Variants in NADSYN1 observed in about 807,000 individuals in gnomAD.
The protein encoded by NADSYN1 is glutamine-dependent NAD(+) synthetase.
In NADSYN1, 80 loss-of-function variants were observed where a neutral mutation model predicts 99.3. That is an observed-to-expected ratio of 0.81 (90% CI 0.67 to 0.97). The LOEUF (loss-of-function observed/expected upper bound fraction) is 0.97. Among genes scored for constraint, NADSYN1 ranks in the 50% least tolerant of loss-of-function variants. The probability of loss-of-function intolerance (pLI) is 0.00; values close to 1 mark genes in which losing one functional copy is unlikely to be tolerated. For missense variants in NADSYN1, 859 were observed against 948.5 expected, an observed-to-expected ratio of 0.91 and a Z score of 1.24; for synonymous variants, 385 against 372.1, an observed-to-expected ratio of 1.03 and a Z score of -0.40.
At chr11:71,483,816 A>G (rs910641598) in intron 14 of NADSYN1, among the ~76,000 whole-genome samples, 2 of 152,242 alleles carry the variant, frequency 1.3e-5, no homozygotes, top group African/African-American at 4.8e-5. Context: ...GAACGGAGGA[A>G]GAAACTGTGG....
chr11:71,492,154 G>T (rs531446277), intron 18 of NADSYN1, among the ~76,000 whole-genome samples: 2 of 152,324 alleles, frequency 1.3e-5, no homozygotes, highest in Admixed American at 6.5e-5. Context: ...ATGGCGGGCG[G>T]AGGAACGCAA....
chr11:71,494,121 C>T (rs1949803431), intron 18 of NADSYN1, among the ~76,000 whole-genome samples: 1 of 152,212 alleles, frequency 6.6e-6, no homozygotes, highest in South Asian at 2.1e-4. Context: ...GGAAAGCCCA[C>T]AGTAGCACAG....
intron 5 of NADSYN1, among the ~76,000 whole-genome samples, chr11:71,469,666 G>A (rs1949614374): frequency 2.6e-5 from 4 of 152,324 alleles, no homozygotes; most frequent in Non-Finnish European, 4.4e-5. Context: ...CGCCTTAAGT[G>A]GTTTTCCGCC....
At chr11:71,490,458 C>A (rs1174739388) in intron 16 of NADSYN1, among the ~76,000 whole-genome samples, 1 of 152,198 alleles carries the variant, frequency 6.6e-6, no homozygotes, top group African/African-American at 2.4e-5. Flanking sequence ...CTTCTGCCGA[C>A]CACAGGCCTC....
rs1258999568 is a variant in NADSYN1 at position 71,501,306 on chromosome 11, T to C, written c.2075T>C (p.Leu692Pro). The C allele has an allele frequency of 1.3e-6, 2 of 1,592,628 alleles. No individual in the cohort carries two copies. Among genetic ancestry groups the C allele is most frequent in the Middle Eastern group, 1.7e-4 (1 of 5,968 alleles). Residue 692 changes from leucine (L) to proline (P), a missense_variant, in exon 21 of 21, where the codon CTA becomes CCA. Physicochemically the swap from Leu to Pro is moderately conservative, Grantham distance 98 (BLOSUM62 -3). Transcript: ENST00000319023. The stretch of plus-strand genomic sequence containing the variant: ...GTCACAGGCCTCTCTTTCCAGGTGC[T>C]ACAGCTCGAGAGGGCAGAGCCACAG... ...WQFRCIENQV[L>P]QLERAEPQSL...
chr11:71,484,654 G>A (rs919023365), intron 15 of NADSYN1: 19 of 660,314 alleles, frequency 2.9e-5, no homozygotes, highest in Non-Finnish European at 4.2e-5. Context: ...CAAGGAGGGG[G>A]TCTGTGTGTG....
At position 71,486,796 on chromosome 11, in the gene NADSYN1, C is replaced by CTTTTTT. The variant is rs57662255; in HGVS notation, c.1562+1170_1562+1175dup. Reference sequence around the variant, plus strand: ...TCCCTTTTTTCTATGGCGTGAGTGTCTTTTTTTTTTTTTTTTTTTTTTTTT... The same window carrying CTTTTTT: ...TCCCTTTTTTCTATGGCGTGAGTGTCTTTTTTTTTTTTTTTTTTTTTTTTTTTTTTT... On this transcript the variant is annotated intron_variant, in intron 16 of 20. Coordinates refer to ENST00000319023, the MANE Select transcript of NADSYN1 (RefSeq NM_018161.5). 3.3e-5 allele frequency among the ~76,000 whole-genome samples: 2 copies of CTTTTTT among 60,996 alleles called. 1 individual carries two copies. Among genetic ancestry groups the CTTTTTT allele is most frequent in the African/African-American group, 1.5e-4 (2 of 13,290 alleles). The allele number at this position is 60,996 out of a possible 152,430, so 40.0% of individuals were successfully genotyped here. A position where few individuals can be genotyped will look rare whatever the true frequency, so the allele number is the denominator to read the frequency against.
At chr11:71,500,513 G>A (rs1949850294) in intron 20 of NADSYN1, among the ~76,000 whole-genome samples, 1 of 152,170 alleles carries the variant, frequency 6.6e-6, no homozygotes, top group Admixed American at 6.5e-5. Flanking sequence ...GTGCAGGATG[G>A]GCCCCTCCCA....
chr11:71,462,152 G>C (rs553608864), intron 3 of NADSYN1, among the ~76,000 whole-genome samples: 2 of 152,192 alleles, frequency 1.3e-5, no homozygotes, highest in Admixed American at 1.3e-4. Context: ...GACTGGGAGT[G>C]GGGGGTGATC....
rs186925420 is a variant in NADSYN1, at chr11:71,482,231, G to A, written c.1150+206G>A. ...GCCATCAGTAGCTTCCTGGGGCTTC[G>A]GGCCCATGTGGCTGAGTCTCCAGAG... On this transcript the variant is annotated intron_variant, in intron 13 of 20. Transcript: ENST00000319023. Among the ~76,000 whole-genome samples the A allele has an allele frequency of 7.8e-4, 119 of 152,320 alleles. 1 individual carries two copies. Among genetic ancestry groups the A allele is most frequent in the South Asian group, 1.0e-3 (5 of 4,828 alleles).
At chr11:71,474,692 C>A in intron 9 of NADSYN1, 166 bp downstream of exon 9, 1 of 834,982 alleles carries the variant, frequency 1.2e-6, no homozygotes, top group South Asian at 1.5e-5. Flanking sequence ...TTAGTGAGGG[C>A]CCCTGTGGAG....
Position 71,482,885 on chromosome 11 carries a change from A to C in NADSYN1, c.1187A>C (p.Asn396Thr). 6.2e-7 allele frequency: 1 copy of C among 1,613,072 alleles called. No individual in the cohort carries two copies. The highest frequency in any genetic ancestry group is 8.5e-7 in the Non-Finnish European group (1 of 1,179,574). The change falls in exon 14 of 21, where the codon AAC becomes ACC. Residue 396 changes from asparagine (N) to threonine (T), a missense_variant. By Grantham distance (65) the Asn-to-Thr change is moderately conservative. Coordinates refer to ENST00000319023, the MANE Select transcript of NADSYN1 (RefSeq NM_018161.5). ...EVLADVRTIV[N>T]QISYTPQDPR... is the part of the protein sequence containing the mutation. ...CTGGCTGATGTCCGCACCATCGTGA[A>C]CCAGATCAGCTACACCCCCCAGGAT...
intron 15 of NADSYN1, 192 bp downstream of exon 15, chr11:71,484,639 G>C (rs1365532677): frequency 2.6e-6 from 2 of 754,786 alleles, no homozygotes; most frequent in East Asian, 5.6e-5. Context: ...ATGCAGCCTT[G>C]TTAACAAGGA....
At chr11:71,488,418 G>A (rs1390481310) in intron 16 of NADSYN1, among the ~76,000 whole-genome samples, 4 of 152,080 alleles carry the variant, frequency 2.6e-5, no homozygotes, top group Non-Finnish European at 4.4e-5. Flanking sequence ...AGAAGAGCCC[G>A]TGAAGCCCTG....
intron 16 of NADSYN1, among the ~76,000 whole-genome samples, chr11:71,488,792 G>T (rs1228562577): frequency 6.6e-6 from 1 of 152,158 alleles, no homozygotes; most frequent in Non-Finnish European, 1.5e-5. Flanking sequence ...GGGACTGTAG[G>T]CATGCACCAC....
chr11:71,472,844 G>T (rs112010554), intron 6 of NADSYN1, among the ~76,000 whole-genome samples: 3 of 152,346 alleles, frequency 2.0e-5, no homozygotes, highest in Non-Finnish European at 4.4e-5. Context: ...ACAGCAAAAT[G>T]CCCTACTCTC....
At chr11:71,470,007 A>G (rs1217431492) in intron 5 of NADSYN1, among the ~76,000 whole-genome samples, 1 of 151,640 alleles carries the variant, frequency 6.6e-6, no homozygotes, top group African/African-American at 2.4e-5. Context: ...GTAATTTGTA[A>G]AGAAAAAGAA....
intron 8 of NADSYN1, among the ~76,000 whole-genome samples, chr11:71,474,122 C>T (rs951773239): frequency 1.3e-5 from 2 of 152,258 alleles, no homozygotes; most frequent in African/African-American, 4.8e-5. Context: ...TTGTCTGAAC[C>T]TCATCATGCC....
intron 5 of NADSYN1, among the ~76,000 whole-genome samples, chr11:71,469,901 A>G (rs979506793): frequency 6.7e-6 from 1 of 149,722 alleles, no homozygotes; most frequent in Non-Finnish European, 1.5e-5. Context: ...TCTCTAGCCC[A>G]GAAGACAGAA....
Sources: allele counts gnomAD v4.1 joint callset (sites outside exome capture counted in the v4.1 genomes callset), GRCh38; gene constraint gnomAD v4.1.1; transcripts MANE v1.5; gene names NCBI Gene and HGNC (gene_info 2026-07-23, HGNC 2026-07-21).